The following VPS13B variants were observed in gnomAD, a reference collection of about 807,000 sequenced individuals.
The protein encoded by VPS13B is intermembrane lipid transfer protein VPS13B.
VPS13B carries 285 observed loss-of-function variants against 426.4 expected under a neutral mutation model. The ratio of observed to expected loss-of-function variants is 0.67; its 90% CI spans 0.61 to 0.74. The LOEUF is 0.74. Ranked by LOEUF, VPS13B falls within the 30% of genes least tolerant of loss-of-function variation. The pLI is 0.00. For synonymous variants in VPS13B, 1,676 were observed against 1,676.4 expected (o/e 1.00, Z 0.01); for missense variants, 4,537 against 4,782.6 (o/e 0.95, Z 1.51).
chr8:99,557,330 A>AT (rs1467160252), intron 31 of VPS13B, among the ~76,000 whole-genome samples: 1 of 150,780 alleles, frequency 6.6e-6, no homozygotes, highest in African/African-American at 2.4e-5. Context: ...AAAGTCCATT[A>AT]TATCATTCTT....
Position 99,853,713 on chromosome 8 carries a change from G to A in VPS13B, c.10324G>A (p.Ala3442Thr), listed in dbSNP as rs1816408668. ...TTATAACAAGTCCAATTTCCACTTTGCTGTCTTAGTCTGCCAGGGAGAAAA... is the reference window on the plus strand; with the variant it reads ...TTATAACAAGTCCAATTTCCACTTTACTGTCTTAGTCTGCCAGGGAGAAAA... ...QLYNKSNFHF[A>T]VLVCQGEKAE... Residue 3442 changes from alanine to threonine, a missense_variant, in exon 56 of 62, where the codon GCT (alanine) becomes ACT (threonine). Transcript: ENST00000357162. 6.2e-6 allele frequency: 10 copies of A among 1,614,110 alleles called. No individual in the cohort carries two copies. The highest frequency in any genetic ancestry group is 8.5e-6 in the Non-Finnish European group (10 of 1,180,046).
chr8:99,834,017 A>T (rs992737048), intron 52 of VPS13B, among the ~76,000 whole-genome samples: 5 of 152,240 alleles, frequency 3.3e-5, no homozygotes, highest in African/African-American at 1.2e-4. Context: ...AACAGCACAC[A>T]TTAGATGGTG....
chr8:99,068,460 G>A (rs542722314), intron 3 of VPS13B, among the ~76,000 whole-genome samples: 1 of 152,260 alleles, frequency 6.6e-6, no homozygotes, highest in Admixed American at 6.5e-5. Context: ...GTAAATACAA[G>A]TTTTTTGGAA....
intron 39 of VPS13B, among the ~76,000 whole-genome samples, chr8:99,737,467 C>T (rs980647500): frequency 6.6e-6 from 1 of 152,104 alleles, no homozygotes; most frequent in Admixed American, 6.5e-5. Context: ...AGCCTTCCCC[C>T]ACAAGCATAA....
intron 17 of VPS13B, among the ~76,000 whole-genome samples, chr8:99,205,778 A>G (rs1023377405): frequency 1.3e-5 from 2 of 152,162 alleles, no homozygotes; most frequent in Non-Finnish European, 2.9e-5. Context: ...TTTTTCTTAA[A>G]TATCATCCCG....
chr8:99,179,435 G>A (rs766832603), intron 16 of VPS13B, among the ~76,000 whole-genome samples: 17 of 152,000 alleles, frequency 1.1e-4, no homozygotes, highest in Non-Finnish European at 2.2e-4. Context: ...CATCTGAAAC[G>A]TCCTCCTCTC....
chr8:99,839,602 A>C (rs1316338394), intron 54 of VPS13B, among the ~76,000 whole-genome samples: 1 of 152,316 alleles, frequency 6.6e-6, no homozygotes, highest in Middle Eastern at 3.4e-3. Context: ...CCGGAGCCTA[A>C]ATCTGCTCCC....
At chr8:99,872,686 T>C (rs1276192501) in intron 61 of VPS13B, among the ~76,000 whole-genome samples, 3 of 152,196 alleles carry the variant, frequency 2.0e-5, no homozygotes, top group Non-Finnish European at 4.4e-5. Context: ...TAGTGGTGGA[T>C]CAGTGGCAAA....
chr8:99,455,945 A>G (rs1474569736), intron 23 of VPS13B, among the ~76,000 whole-genome samples: 6 of 152,222 alleles, frequency 3.9e-5, no homozygotes, highest in Admixed American at 2.6e-4. Context: ...GTATGGACAG[A>G]TGTTGTAACT....
At chr8:99,376,428 C>T (rs919002956) in intron 19 of VPS13B, among the ~76,000 whole-genome samples, 19 of 152,162 alleles carry the variant, frequency 1.2e-4, no homozygotes, top group African/African-American at 3.9e-4. Context: ...CTATAACATT[C>T]GTAAATTTTA....
chr8:99,455,893 A>C (rs1161006202), intron 23 of VPS13B, among the ~76,000 whole-genome samples: 1 of 152,176 alleles, frequency 6.6e-6, no homozygotes, highest in East Asian at 1.9e-4. Context: ...CTTTTTGCCT[A>C]CAGTGAATAA....
chr8:99,154,570 T>TA (rs113727784), intron 14 of VPS13B, among the ~76,000 whole-genome samples: 226 of 152,320 alleles, frequency 1.5e-3, no homozygotes, highest in African/African-American at 5.1e-3. Context: ...GCTGCCCATG[T>TA]GTAATGCAAG....
At chr8:99,630,722 A>T (rs1389809416) in intron 33 of VPS13B, among the ~76,000 whole-genome samples, 2 of 152,068 alleles carry the variant, frequency 1.3e-5, no homozygotes, top group African/African-American at 4.8e-5. Context: ...TGGACCTTAC[A>T]TTCTCATTGG....
At chr8:99,163,157 C>A (rs921226447) in intron 15 of VPS13B, among the ~76,000 whole-genome samples, 3 of 150,258 alleles carry the variant, frequency 2.0e-5, no homozygotes, top group African/African-American at 7.4e-5. Flanking sequence ...TTTACAATCC[C>A]TGAGCTAGAC....
chr8:99,334,259 T>C (rs1039970351), intron 19 of VPS13B, among the ~76,000 whole-genome samples: 8 of 152,064 alleles, frequency 5.3e-5, no homozygotes, highest in Non-Finnish European at 1.0e-4. Context: ...ATTTTATCTG[T>C]TTTACTAAGC....
At chr8:99,172,620 G>T (rs926240064) in intron 16 of VPS13B, among the ~76,000 whole-genome samples, 1 of 152,064 alleles carries the variant, frequency 6.6e-6, no homozygotes, top group Non-Finnish European at 1.5e-5. Context: ...CAGTTTTGAA[G>T]GCCCTGTTAA....
intron 30 of VPS13B, among the ~76,000 whole-genome samples, chr8:99,544,918 T>C (rs918835936): frequency 2.6e-5 from 4 of 152,234 alleles, no homozygotes; most frequent in Non-Finnish European, 5.9e-5. Flanking sequence ...TACTCAGTGC[T>C]GTAATTCATT....
In VPS13B at chr8:99,408,751, G is replaced by A. The variant is rs533717256; in HGVS notation, c.3082+17047G>A. On this transcript the variant is annotated intron_variant, in intron 21 of 61. Coordinates refer to ENST00000357162, the MANE Select transcript of VPS13B (RefSeq NM_152564.5). ...GAGATCCTCTAAGAAGAAAGTGTTT[G>A]TAGAGAAGAGAAATGGCCCAAGTAC... Among the ~76,000 whole-genome samples the A allele has an allele frequency of 7.9e-5, 12 of 152,248 alleles. No individual in the cohort carries two copies. The East Asian group carries it at 2.3e-3, about 29-fold the overall frequency.
At chr8:99,696,616 A>G (rs1178073193) in intron 35 of VPS13B, 1 of 657,092 alleles carries the variant, frequency 1.5e-6, no homozygotes, top group Non-Finnish European at 2.9e-6. Flanking sequence ...AGCCTGAAGG[A>G]GCTTCGGGTC....
Sources: gnomAD v4.1 joint callset for allele counts (sites outside exome capture counted in the v4.1 genomes callset) on GRCh38, gnomAD v4.1.1 for gene constraint, MANE v1.5 for transcripts, NCBI Gene and HGNC (gene_info 2026-07-23, HGNC 2026-07-21) for gene names.